The following CCSER2 variants were observed in gnomAD, a reference collection of about 807,000 sequenced individuals.
CCSER2 encodes serine-rich coiled-coil domain-containing protein 2.
Under a neutral mutation model 92.3 loss-of-function variants are expected in CCSER2, and 46 were observed. The observed-to-expected ratio is 0.50, with a 90% confidence interval of 0.39 to 0.64. CCSER2 has a LOEUF of 0.64. CCSER2 is among the 30% of genes least tolerant of loss of function. The probability of loss-of-function intolerance (pLI) is 0.00; values close to 1 mark genes in which losing one functional copy is unlikely to be tolerated. For synonymous variants in CCSER2, 433 were observed against 431.4 expected, an observed-to-expected ratio of 1.00 and a Z score of -0.04; for missense variants, 1,244 against 1,238.9, an observed-to-expected ratio of 1.00 and a Z score of -0.06.
At chr10:84,391,750 G>A in intron 3 of CCSER2, 3 of 1,513,486 alleles carry the variant, frequency 2.0e-6, no homozygotes, top group East Asian at 2.3e-5. Flanking sequence ...TGCTACAGCA[G>A]TATGAAGACC....
At chr10:84,414,511 A>T (rs1589597402) in intron 3 of CCSER2, among the ~76,000 whole-genome samples, 1 of 151,944 alleles carries the variant, frequency 6.6e-6, no homozygotes, top group East Asian at 1.9e-4. Context: ...TTCCACTGAG[A>T]GGTCTGCCAT....
chr10:84,469,189 A>G (rs1488932109), intron 7 of CCSER2, among the ~76,000 whole-genome samples: 3 of 152,188 alleles, frequency 2.0e-5, no homozygotes, highest in African/African-American at 7.2e-5. Context: ...TTAAATATAA[A>G]TCATTTCTTT....
At chr10:84,390,147 G>A (rs935169285) in intron 3 of CCSER2, among the ~76,000 whole-genome samples, 2 of 152,088 alleles carry the variant, frequency 1.3e-5, no homozygotes, top group African/African-American at 4.8e-5. Flanking sequence ...TTTGAAAACC[G>A]TGAATTCAAA....
At chr10:84,506,384 A>C (rs1161846359) in intron 9 of CCSER2, among the ~76,000 whole-genome samples, 1 of 152,192 alleles carries the variant, frequency 6.6e-6, no homozygotes, top group Non-Finnish European at 1.5e-5. Context: ...ATCTAGTTGT[A>C]ATACAGTATT....
chr10:84,355,294 C>G (rs1845102662), intron 1 of CCSER2, among the ~76,000 whole-genome samples: 1 of 152,152 alleles, frequency 6.6e-6, no homozygotes, highest in East Asian at 1.9e-4. Context: ...TTATGCATTT[C>G]TGAAACCCTG....
At chr10:84,356,187 G>A (rs1845162287) in intron 1 of CCSER2, among the ~76,000 whole-genome samples, 1 of 151,572 alleles carries the variant, frequency 6.6e-6, no homozygotes, top group Non-Finnish European at 1.5e-5. Context: ...AAAGGAAGAA[G>A]TTGAGTTCTG....
chr10:84,364,810 C>T (rs1373709365), intron 1 of CCSER2, among the ~76,000 whole-genome samples: 1 of 146,482 alleles, frequency 6.8e-6, no homozygotes, highest in South Asian at 2.1e-4. Context: ...GGTATGATCT[C>T]GGCTCACTGC....
At chr10:84,451,324 C>CA (rs1234247982) in intron 6 of CCSER2, among the ~76,000 whole-genome samples, 1 of 146,318 alleles carries the variant, frequency 6.8e-6, no homozygotes, top group African/African-American at 2.5e-5. Context: ...TGCTGGAGTG[C>CA]AGTGACTACT....
chr10:84,345,759 G>T (rs534220884), intron 1 of CCSER2, among the ~76,000 whole-genome samples: 1 of 152,222 alleles, frequency 6.6e-6, no homozygotes, highest in South Asian at 2.1e-4. Context: ...ATTTTAAGGT[G>T]TGGTTGAGAC....
chr10:84,439,625 A>G (rs1844404550), intron 6 of CCSER2, among the ~76,000 whole-genome samples: 1 of 152,158 alleles, frequency 6.6e-6, no homozygotes, highest in African/African-American at 2.4e-5. Context: ...AAGTCAGGTA[A>G]ATTGTTTTCT....
intron 5 of CCSER2, among the ~76,000 whole-genome samples, chr10:84,436,056 G>A (rs1844098240): frequency 6.6e-6 from 1 of 152,118 alleles, no homozygotes; most frequent in Non-Finnish European, 1.5e-5. Context: ...TGGGCCCGGC[G>A]CCGTGGCCGA....
At chr10:84,498,257 C>G (rs140581100) in intron 9 of CCSER2, among the ~76,000 whole-genome samples, 2,997 of 152,228 alleles carry the variant, frequency 0.02, 47 homozygotes, top group South Asian at 0.07. Flanking sequence ...GCCTTTGAAC[C>G]AAAACATTTC....
chr10:84,478,124 A>G (rs1847262100), intron 9 of CCSER2, among the ~76,000 whole-genome samples: 1 of 152,248 alleles, frequency 6.6e-6, no homozygotes. Flanking sequence ...AAATGCACGA[A>G]GATACAGACA....
chr10:84,486,139 A>G (rs1847795281), intron 9 of CCSER2, among the ~76,000 whole-genome samples: 1 of 152,096 alleles, frequency 6.6e-6, no homozygotes, highest in African/African-American at 2.4e-5. Flanking sequence ...AATCCAGTCT[A>G]TCATTGATGG....
At chr10:84,392,255 G>C (rs2960) in intron 3 of CCSER2, among the ~76,000 whole-genome samples, 31,159 of 147,038 alleles carry the variant, frequency 0.21, 3,484 homozygotes, top group Admixed American at 0.34. Context: ...GTTTTAACAT[G>C]TGGAGCCTTT....
At chr10:84,349,403 T>C (rs1475085696) in intron 1 of CCSER2, among the ~76,000 whole-genome samples, 1 of 152,172 alleles carries the variant, frequency 6.6e-6, no homozygotes, top group Non-Finnish European at 1.5e-5. Flanking sequence ...CTGGGTGCAG[T>C]GGTTCACGCC....
chr10:84,475,188 A>G (rs1298935812), intron 8 of CCSER2, among the ~76,000 whole-genome samples: 2 of 147,534 alleles, frequency 1.4e-5, no homozygotes, highest in East Asian at 1.9e-4. Context: ...CTTCCTAAGC[A>G]TAGAGGAATG....
chr10:84,345,125 G>T (rs900101836), intron 1 of CCSER2, among the ~76,000 whole-genome samples: 3 of 152,168 alleles, frequency 2.0e-5, no homozygotes, highest in Non-Finnish European at 4.4e-5. Context: ...GTAAAAAATG[G>T]ATTGAAGGGG....
Position 84,371,987 on chromosome 10 carries a change from C to G in CCSER2, c.935C>G (p.Thr312Ser), listed in dbSNP as rs574318262. 3 of 1,613,668 alleles carry G rather than the reference C, an allele frequency of 1.9e-6. No individual in the cohort carries two copies. In the African/African-American group the frequency reaches 4.0e-5, roughly 22 times the overall value. The change falls in exon 2 of 10, where the codon ACT (threonine) becomes AGT (serine). Residue 312 changes from threonine (T) to serine (S), a missense_variant. Physicochemically the swap from Thr to Ser is moderately conservative, Grantham distance 58. Transcript: ENST00000372088. ...ALPNGPGVTS[T>S]LGYRMVHPSL... The stretch of plus-strand genomic sequence containing the variant: ...CCAAATGGCCCAGGTGTAACTTCTA[C>G]TTTAGGTTATAGAATGGTTCATCCC...
Sources: allele counts gnomAD v4.1 joint callset (sites outside exome capture counted in the v4.1 genomes callset), GRCh38; gene constraint gnomAD v4.1.1; transcripts MANE v1.5; gene names NCBI Gene and HGNC (gene_info 2026-07-23, HGNC 2026-07-21).